Variants in PDE5A observed in about 807,000 individuals in gnomAD.
PDE5A encodes cGMP-specific 3',5'-cyclic phosphodiesterase.
Under a neutral mutation model 110.2 loss-of-function variants are expected in PDE5A, and 67 were observed. That is an observed-to-expected ratio of 0.61 (90% CI 0.50 to 0.75). PDE5A has a LOEUF of 0.75. Among genes scored for constraint, PDE5A ranks in the 30% least tolerant of loss-of-function variants. PDE5A has a pLI of 0.00. For missense variants in PDE5A, 862 were observed against 1,045.1 expected, an observed-to-expected ratio of 0.82 and a Z score of 2.42; for synonymous variants, 328 against 351.2, an observed-to-expected ratio of 0.93 and a Z score of 0.74.
chr4:119,504,579 C>T lies in PDE5A; in HGVS notation c.2288G>A (p.Cys763Tyr). 6.2e-7 allele frequency: 1 copy of T among 1,612,488 alleles called. No individual in the cohort carries two copies. Among genetic ancestry groups the T allele is most frequent in the Non-Finnish European group, 8.5e-7 (1 of 1,179,008 alleles). ...GGGTTTTGTAATTGCAGAAAGATCA[C>T]AAGCTGTCATCAGCATTGCCCTGTT... ...ELFLAMLMTA[C>Y]DLSAITKPWP... Residue 763 changes from cysteine to tyrosine, a missense_variant, in exon 18 of 21, where the codon TGT becomes TAT. Coordinates refer to ENST00000354960, the MANE Select transcript of PDE5A (RefSeq NM_001083.4).
chr4:119,503,588 T>G (rs1271793908), intron 18 of PDE5A, among the ~76,000 whole-genome samples: 1 of 152,168 alleles, frequency 6.6e-6, no homozygotes, highest in Non-Finnish European at 1.5e-5. Flanking sequence ...AGGGATGACC[T>G]TAAGAAACAA....
Position 119,552,601 on chromosome 4 carries a change from T to A in PDE5A, c.1345A>T (p.Arg449Ter). 1 of 1,550,548 alleles carries A rather than the reference T, an allele frequency of 6.4e-7. No homozygotes were observed. The highest frequency in any genetic ancestry group is 8.7e-7 in the Non-Finnish European group (1 of 1,148,368). ...NTGNVNQQCIRSLLCTPIKNG... is the reference protein window; with the variant it reads ...NTGNVNQQCI ...TTTATAGGTGTACAAAGCAAACTTC[T>A]AATGCACTGCTGGTTTACATTTCCT... Residue 449 changes from arginine (R) to a stop codon, truncating the protein, a stop_gained, in exon 9 of 21, where the codon AGA becomes TGA. Coordinates refer to ENST00000354960, the MANE Select transcript of PDE5A (RefSeq NM_001083.4). LOFTEE classifies it high-confidence loss of function.
chr4:119,511,356 A>ATGG (rs776972853), intron 14 of PDE5A, among the ~76,000 whole-genome samples: 54 of 152,162 alleles, frequency 3.5e-4, no homozygotes, highest in Non-Finnish European at 6.0e-4. Flanking sequence ...TTGCCAGAGT[A>ATGG]AAGTATGAAC....
At chr4:119,560,229 C>A in intron 7 of PDE5A, 67 bp downstream of exon 7, 2 of 863,394 alleles carry the variant, frequency 2.3e-6, no homozygotes, top group South Asian at 3.5e-5. Flanking sequence ...TCAAACTGGT[C>A]ATGAAATAAC....
chr4:119,574,757 C>T (rs1459634308), intron 3 of PDE5A, among the ~76,000 whole-genome samples: 2 of 151,946 alleles, frequency 1.3e-5, no homozygotes, highest in Non-Finnish European at 2.9e-5. Flanking sequence ...AAAAAAAATC[C>T]TATGTATCAA....
intron 18 of PDE5A, among the ~76,000 whole-genome samples, chr4:119,503,394 T>C (rs1267259412): frequency 6.6e-6 from 1 of 152,170 alleles, no homozygotes; most frequent in Non-Finnish European, 1.5e-5. Flanking sequence ...GATTTTTTTC[T>C]AGCCTCCTGG....
At chr4:119,558,120 G>C (rs1727609611) in intron 7 of PDE5A, among the ~76,000 whole-genome samples, 1 of 152,076 alleles carries the variant, frequency 6.6e-6, no homozygotes, top group African/African-American at 2.4e-5. Context: ...GGTGGCTCTT[G>C]AATTGAAGCA....
intron 3 of PDE5A, among the ~76,000 whole-genome samples, chr4:119,578,698 T>G (rs1007493059): frequency 6.6e-6 from 1 of 152,170 alleles, no homozygotes; most frequent in African/African-American, 2.4e-5. Flanking sequence ...CAAGATAGAT[T>G]AAAGACTTAC....
Position 119,496,596 on chromosome 4 carries a change from A to G in PDE5A, c.*2005T>C, listed in dbSNP as rs201139591. ...CATACTAGAGGGGACCAAACAAACT[A>G]CTAAAGCATAAGTACATATTTTAGC... On this transcript the variant is annotated 3_prime_UTR_variant, in exon 21 of 21. Transcript: ENST00000354960. The G allele has an allele frequency of 6.6e-6, 1 of 152,598 alleles. No homozygotes were observed. Among genetic ancestry groups the G allele is most frequent in the Non-Finnish European group, 1.5e-5 (1 of 68,004 alleles). The allele number at this position is 152,598 out of a possible 1,614,324, so 9.5% of individuals were successfully genotyped here. A position where few individuals can be genotyped will look rare whatever the true frequency, so the allele number is the denominator to read the frequency against.
chr4:119,608,995 C>T (rs1270071456), intron 1 of PDE5A, among the ~76,000 whole-genome samples: 1 of 151,886 alleles, frequency 6.6e-6, no homozygotes. Flanking sequence ...CCCGTCTCTA[C>T]TAAAAATACA....
At chr4:119,621,897 G>A (rs1264102104) in intron 1 of PDE5A, among the ~76,000 whole-genome samples, 14 of 152,276 alleles carry the variant, frequency 9.2e-5, no homozygotes, top group African/African-American at 1.2e-4. Flanking sequence ...TTGGCCGGGC[G>A]CGGTGGCTCA....
chr4:119,555,522 C>A (rs2928991), intron 7 of PDE5A, among the ~76,000 whole-genome samples: 148,023 of 152,262 alleles, frequency 0.97, 72,086 homozygotes, highest in East Asian at 1. Flanking sequence ...CTATAGTGAA[C>A]AAAAGAAGAA....
intron 10 of PDE5A, among the ~76,000 whole-genome samples, chr4:119,539,956 A>C (rs1726866297): frequency 6.6e-6 from 1 of 152,136 alleles, no homozygotes; most frequent in African/African-American, 2.4e-5. Context: ...ATTAAGTATA[A>C]TGCACATGTT....
intron 1 of PDE5A, among the ~76,000 whole-genome samples, chr4:119,626,060 TTAAGAA>T (rs1730336028): frequency 6.6e-6 from 1 of 152,210 alleles, no homozygotes; most frequent in Admixed American, 6.5e-5. Context: ...ACATAACCTC[TTAAGAA>T]TATGTATACA....
At chr4:119,608,937 G>A (rs1021942866) in intron 1 of PDE5A, among the ~76,000 whole-genome samples, 2 of 152,000 alleles carry the variant, frequency 1.3e-5, no homozygotes, top group African/African-American at 2.4e-5. Flanking sequence ...CGAGGCGGGC[G>A]GATCATGAGG....
intron 9 of PDE5A, among the ~76,000 whole-genome samples, chr4:119,547,807 C>G (rs1258179330): frequency 1.3e-5 from 2 of 151,920 alleles, no homozygotes; most frequent in Non-Finnish European, 2.9e-5. Flanking sequence ...AAGTGGCCAA[C>G]AATTCTGCTT....
intron 3 of PDE5A, among the ~76,000 whole-genome samples, chr4:119,578,373 T>C (rs1728453134): frequency 6.6e-6 from 1 of 152,178 alleles, no homozygotes; most frequent in Non-Finnish European, 1.5e-5. Context: ...AGAGCCTGCA[T>C]TGCGAAGTCA....
intron 11 of PDE5A, among the ~76,000 whole-genome samples, chr4:119,527,729 G>A (rs898349663): frequency 5.9e-5 from 9 of 151,290 alleles, no homozygotes; most frequent in African/African-American, 2.0e-4. Flanking sequence ...TTAGATTTCT[G>A]AGTTTGATTT....
At chr4:119,621,437 ACC>A (rs572299633) in intron 1 of PDE5A, among the ~76,000 whole-genome samples, 82 of 152,328 alleles carry the variant, frequency 5.4e-4, no homozygotes, top group African/African-American at 1.9e-3. Context: ...GAAGTTTAAG[ACC>A]CACATACAGT....
Sources: allele counts gnomAD v4.1 joint callset (sites outside exome capture counted in the v4.1 genomes callset), GRCh38; gene constraint gnomAD v4.1.1; transcripts MANE v1.5; gene names NCBI Gene and HGNC (gene_info 2026-07-23, HGNC 2026-07-21).